GATAD2A: variants seen among roughly 807,000 people sequenced by gnomAD.
The protein encoded by GATAD2A is GATA zinc finger domain containing 2A.
In GATAD2A, 12 loss-of-function variants were observed where a neutral mutation model predicts 68.5. The ratio of observed to expected loss-of-function variants is 0.18; its 90% CI spans 0.11 to 0.28. GATAD2A has a LOEUF of 0.28. GATAD2A is among the 10% of genes least tolerant of loss of function. The probability of loss-of-function intolerance (pLI) is 1.00; values close to 1 mark genes in which losing one functional copy is unlikely to be tolerated. For synonymous variants in GATAD2A, 410 were observed against 375.3 expected (o/e 1.09, Z -1.07); for missense variants, 755 against 868.5 (o/e 0.87, Z 1.64).
At chr19:19,434,893 G>T (rs2054147651) in intron 1 of GATAD2A, among the ~76,000 whole-genome samples, 1 of 152,186 alleles carries the variant, frequency 6.6e-6, no homozygotes, top group Non-Finnish European at 1.5e-5. Context: ...TCTCGGTCTG[G>T]AGGGTGAAGT....
intron 1 of GATAD2A, among the ~76,000 whole-genome samples, chr19:19,434,486 G>A (rs933573961): frequency 1.3e-5 from 2 of 152,170 alleles, no homozygotes; most frequent in Admixed American, 1.3e-4. Flanking sequence ...AAGTTCTCCT[G>A]TGGGAGTGTT....
intron 1 of GATAD2A, among the ~76,000 whole-genome samples, chr19:19,419,254 A>G (rs1482861204): frequency 6.6e-6 from 1 of 152,218 alleles, no homozygotes; most frequent in African/African-American, 2.4e-5. Context: ...AATGAAAATG[A>G]AGATGAGAAT....
At chr19:19,425,292 G>A (rs1053515679) in intron 1 of GATAD2A, among the ~76,000 whole-genome samples, 24 of 152,170 alleles carry the variant, frequency 1.6e-4, no homozygotes, top group Non-Finnish European at 1.5e-5. Flanking sequence ...TGGAGGCAGT[G>A]TCTTCTGCCA....
At chr19:19,399,898 C>A (rs564175026) in intron 1 of GATAD2A, among the ~76,000 whole-genome samples, 2 of 152,270 alleles carry the variant, frequency 1.3e-5, no homozygotes, top group Admixed American at 1.3e-4. Flanking sequence ...GCATGTCCAA[C>A]TAAGGATATT....
intron 1 of GATAD2A, among the ~76,000 whole-genome samples, chr19:19,396,888 C>T (rs1455602230): frequency 6.6e-6 from 1 of 151,964 alleles, no homozygotes; most frequent in African/African-American, 2.4e-5. Context: ...TTTGTATTTT[C>T]GGTAGAGATG....
chr19:19,478,313 A>G (rs2058811981), intron 2 of GATAD2A, among the ~76,000 whole-genome samples: 1 of 152,166 alleles, frequency 6.6e-6, no homozygotes, highest in Non-Finnish European at 1.5e-5. Context: ...AAAATTTGAA[A>G]ATACTGGCCA....
chr19:19,453,703 G>T (rs774766680), intron 1 of GATAD2A, among the ~76,000 whole-genome samples: 3 of 149,944 alleles, frequency 2.0e-5, no homozygotes, highest in Non-Finnish European at 4.4e-5. Context: ...TTGAGACGGA[G>T]TCTTGCTCCG....
At chr19:19,447,894 G>C (rs1018740702) in intron 1 of GATAD2A, among the ~76,000 whole-genome samples, 2 of 152,218 alleles carry the variant, frequency 1.3e-5, no homozygotes, top group Non-Finnish European at 2.9e-5. Flanking sequence ...CTGGCCCTTG[G>C]AATTTTCTGT....
chr19:19,491,770 A>G (rs916802454), intron 2 of GATAD2A, among the ~76,000 whole-genome samples: 1 of 152,188 alleles, frequency 6.6e-6, no homozygotes, highest in African/African-American at 2.4e-5. Flanking sequence ...GCCAGGTGTG[A>G]GGGCTTTGGC....
chr19:19,480,830 G>T (rs1291248196), intron 2 of GATAD2A, among the ~76,000 whole-genome samples: 7 of 152,214 alleles, frequency 4.6e-5, no homozygotes, highest in Admixed American at 4.6e-4. Context: ...TACCTAGCTG[G>T]CTAGGGGGAC....
chr19:19,481,170 G>A (rs2059029941), intron 2 of GATAD2A, among the ~76,000 whole-genome samples: 1 of 152,038 alleles, frequency 6.6e-6, no homozygotes, highest in African/African-American at 2.4e-5. Flanking sequence ...GCATCAGGAG[G>A]GGTGCTGCGA....
Position 19,429,211 on chromosome 19 carries a change from T to A in GATAD2A, c.-7+23192T>A, listed in dbSNP as rs2053448992. The A allele has an allele frequency of 5.1e-6, 5 of 985,176 alleles. No individual in the cohort carries two copies. The South Asian group carries it at 1.9e-4, about 37-fold the overall frequency. The allele number at this position is 985,176 out of a possible 1,614,324, so 61.0% of individuals were successfully genotyped here. ...GGGATGCTCGATTTCAAGTAGCAAG[T>A]TTCAGCAAAAAGTTCCAGCATCGTG... On this transcript the variant is annotated intron_variant, in intron 1 of 11. Coordinates refer to ENST00000683918, the MANE Select transcript of GATAD2A (RefSeq NM_001384528.1).
At chr19:19,409,279 C>A (rs1406479035) in intron 1 of GATAD2A, among the ~76,000 whole-genome samples, 2 of 152,020 alleles carry the variant, frequency 1.3e-5, no homozygotes, top group Admixed American at 1.3e-4. Context: ...GACCTTTCCC[C>A]CCCATAATTG....
At chr19:19,462,481 G>A (rs907945027) in intron 1 of GATAD2A, among the ~76,000 whole-genome samples, 2 of 152,264 alleles carry the variant, frequency 1.3e-5, no homozygotes, top group Non-Finnish European at 2.9e-5. Flanking sequence ...CTGCCTCTGG[G>A]AGGCACAGGC....
chr19:19,496,773 A>G (rs2060181836), intron 7 of GATAD2A, among the ~76,000 whole-genome samples: 1 of 152,232 alleles, frequency 6.6e-6, no homozygotes, highest in African/African-American at 2.4e-5. Context: ...TAGGATGGGA[A>G]GAGCAGAACC....
chr19:19,396,102 C>A (rs2049223305), intron 1 of GATAD2A, among the ~76,000 whole-genome samples: 1 of 152,068 alleles, frequency 6.6e-6, no homozygotes, highest in Non-Finnish European at 1.5e-5. Context: ...GGGTGGATCG[C>A]CTGAGGTCAG....
At chr19:19,423,027 GTTAGGATTT>G (rs2052618692) in intron 1 of GATAD2A, among the ~76,000 whole-genome samples, 2 of 152,106 alleles carry the variant, frequency 1.3e-5, no homozygotes, top group Non-Finnish European at 2.9e-5. Context: ...TTGTTTTTGA[GTTAGGATTT>G]CGTTCTGTCA....
chr19:19,505,852 G>T lies in GATAD2A; in HGVS notation c.*378G>T. ...CGGCTCACCCTGGACACTGTGATGC[G>T]CATGGGCAAGGCCAGCGCCCGGGGC... is the stretch of plus-strand genomic sequence containing the variant. On this transcript the variant is annotated 3_prime_UTR_variant, in exon 12 of 12. Transcript: ENST00000683918. 2.5e-6 allele frequency: 1 copy of T among 405,148 alleles called. No homozygotes were observed. The highest frequency in any genetic ancestry group is 2.0e-5 in the African/African-American group (1 of 48,784). The allele number at this position is 405,148 out of a possible 1,614,324, so 25.1% of individuals were successfully genotyped here. A position where few individuals can be genotyped will look rare whatever the true frequency, so the allele number is the denominator to read the frequency against.
In GATAD2A at chr19:19,505,817, G is replaced by A. The variant is rs943241144; in HGVS notation, c.*343G>A. On this transcript the variant is annotated 3_prime_UTR_variant, in exon 12 of 12. Coordinates refer to ENST00000683918, the MANE Select transcript of GATAD2A (RefSeq NM_001384528.1). The stretch of plus-strand genomic sequence containing the variant: ...CTGGCCCCCTTGTTCAGCCCCTGCC[G>A]GCACACGGGCGGCTCACCCTGGACA... 16 of 438,242 alleles carry A rather than the reference G, an allele frequency of 3.7e-5. No individual in the cohort carries two copies. Among genetic ancestry groups the A allele is most frequent in the East Asian group, 1.1e-4 (3 of 28,198 alleles). 27.1% of individuals were successfully genotyped at this position (438,242 alleles called of 1,614,324 possible).
Sources: gnomAD v4.1 joint callset for allele counts (sites outside exome capture counted in the v4.1 genomes callset) on GRCh38, gnomAD v4.1.1 for gene constraint, MANE v1.5 for transcripts, NCBI Gene and HGNC (gene_info 2026-07-23, HGNC 2026-07-21) for gene names.